Variants in SLC17A3 observed in about 807,000 individuals in gnomAD.
The protein encoded by SLC17A3 is sodium-dependent phosphate transport protein 4.
In SLC17A3, 61 loss-of-function variants were observed where a neutral mutation model predicts 60.3. The observed-to-expected ratio is 1.01, with a 90% CI of 0.82 to 1.25. The LOEUF (loss-of-function observed/expected upper bound fraction) is 1.25, where lower values mean the gene tolerates loss of function less well. Ranked by LOEUF, SLC17A3 falls within the 50% of genes most tolerant of loss-of-function variation. The pLI is 0.00. For synonymous variants in SLC17A3, 192 were observed against 208.9 expected, an observed-to-expected ratio of 0.92 and a Z score of 0.70; for missense variants, 624 against 594.9, an observed-to-expected ratio of 1.05 and a Z score of -0.51.
Position 25,861,677 on chromosome 6 carries a change from T to C in SLC17A3, c.572A>G (p.Glu191Gly). ...SILGGQFAIW[E>G]KWGPPQERSR... Reference sequence around the variant, plus strand: ...TCGTTCTTGTGGAGGGCCCCACTTTTCCCAAATTGCAAACTGACCCCCAAG... The same window carrying C: ...TCGTTCTTGTGGAGGGCCCCACTTTCCCCAAATTGCAAACTGACCCCCAAG... The change falls in exon 5 of 13, where the codon GAA (glutamate) becomes GGA (glycine). Residue 191 changes from glutamate to glycine, a missense_variant. Coordinates refer to ENST00000397060, the MANE Select transcript of SLC17A3 (RefSeq NM_001098486.2). The C allele has an allele frequency of 4.3e-6, 7 of 1,614,056 alleles. No homozygotes were observed. The highest frequency in any genetic ancestry group is 5.9e-6 in the Non-Finnish European group (7 of 1,179,940).
In SLC17A3 at chr6:25,868,353, C is replaced by T; in HGVS notation, c.35G>A (p.Arg12Lys). The stretch of plus-strand genomic sequence containing the variant: ...CATATCTTGTGCGTTCTTGCTCTCC[C>T]TTGCTGTGGGACTCAACTCTGTCTT... ...ATKTELSPTA[R>K]ESKNAQDMQV... The change falls in exon 2 of 13, where the codon AGG (arginine) becomes AAG (lysine). Residue 12 changes from arginine to lysine, a missense_variant. Transcript: ENST00000397060. The T allele has an allele frequency of 1.2e-6, 2 of 1,612,150 alleles. No individual in the cohort carries two copies. Among genetic ancestry groups the T allele is most frequent in the South Asian group, 1.1e-5 (1 of 91,010 alleles).
At chr6:25,864,302 G>T (rs1407952517) in intron 2 of SLC17A3, among the ~76,000 whole-genome samples, 1 of 151,966 alleles carries the variant, frequency 6.6e-6, no homozygotes, top group African/African-American at 2.4e-5. Flanking sequence ...GGGGGCCACT[G>T]GAGGGTTTTC....
chr6:25,847,431 A>C lies in SLC17A3; in HGVS notation c.1363-1915T>G, dbSNP rs527624877. ...ACATTCTTTTGGGTATATACCCAGT[A>C]ATGGAATTGCTGCGTAGAATGGAAG... On this transcript the variant is annotated intron_variant, in intron 11 of 12. Coordinates refer to ENST00000397060, the MANE Select transcript of SLC17A3 (RefSeq NM_001098486.2). 1.1e-4 allele frequency among the ~76,000 whole-genome samples: 16 copies of C among 152,296 alleles called. No individual in the cohort carries two copies. The East Asian group carries it at 3.1e-3, about 29-fold the overall frequency.
chr6:25,850,130 G>A lies in SLC17A3; in HGVS notation c.1041C>T (p.Gly347=), dbSNP rs745812937. ...AATCTGCCAGATAGCCTCCCACCATGCCTATGACCCAGGCAACAATAAAAG... is the reference window on the plus strand; with the variant it reads ...AATCTGCCAGATAGCCTCCCACCATACCTATGACCCAGGCAACAATAAAAG... ...ALPFIVAWVI[G]MVGGYLADFL... The change falls in exon 9 of 13, where the codon GGC becomes GGT. Residue 347 remains glycine (G), a synonymous_variant. Transcript: ENST00000397060. 2 of 1,613,616 alleles carry A rather than the reference G, an allele frequency of 1.2e-6. No individual in the cohort carries two copies. Among genetic ancestry groups the A allele is most frequent in the Non-Finnish European group, 1.7e-6 (2 of 1,179,632 alleles).
chr6:25,858,954 T>G (rs1312013901), intron 5 of SLC17A3, among the ~76,000 whole-genome samples: 1 of 152,234 alleles, frequency 6.6e-6, no homozygotes, highest in African/African-American at 2.4e-5. Context: ...TTGGGCTTCA[T>G]TAAAGTTGTA....
intron 5 of SLC17A3, among the ~76,000 whole-genome samples, chr6:25,858,720 T>C (rs1765400056): frequency 6.6e-6 from 1 of 152,232 alleles, no homozygotes; most frequent in Admixed American, 6.5e-5. Flanking sequence ...TTTTCTCATG[T>C]CGCTACCAAA....
At position 25,855,234 on chromosome 6, in the gene SLC17A3, C is replaced by T; in HGVS notation, c.626-4G>A. 6.2e-7 allele frequency: 1 copy of T among 1,609,160 alleles called. No homozygotes were observed. The highest frequency in any genetic ancestry group is 1.3e-5 in the African/African-American group (1 of 74,936). ...GTAAAGCATCCCAGTAACATTCCTG[C>T]AAAGAGAGAGAAAGTAAGCTGTGGG... On this transcript the variant is annotated splice_polypyrimidine_tract_variant and splice_region_variant and intron_variant, in intron 5 of 12. Transcript: ENST00000397060.
chr6:25,866,222 C>T (rs1040226780), intron 2 of SLC17A3, among the ~76,000 whole-genome samples: 6 of 151,934 alleles, frequency 3.9e-5, no homozygotes, highest in African/African-American at 1.2e-4. Context: ...TTCATGTGGG[C>T]TTGATGAAGT....
intron 1 of SLC17A3, among the ~76,000 whole-genome samples, chr6:25,868,864 A>G (rs770229332): frequency 1.3e-5 from 2 of 151,954 alleles, no homozygotes; most frequent in Non-Finnish European, 2.9e-5. Flanking sequence ...AATACAGTTT[A>G]TTGTCATCAT....
At chr6:25,870,608 G>A (rs780055760) in intron 1 of SLC17A3, among the ~76,000 whole-genome samples, 1 of 151,976 alleles carries the variant, frequency 6.6e-6, no homozygotes, top group South Asian at 2.1e-4. Flanking sequence ...CAGCACATCA[G>A]CCTCTGCATT....
intron 6 of SLC17A3, among the ~76,000 whole-genome samples, chr6:25,853,530 G>C (rs908766824): frequency 7.1e-6 from 1 of 140,690 alleles, no homozygotes; most frequent in Non-Finnish European, 1.5e-5. Flanking sequence ...CCATTCTCCC[G>C]CCTCAGCCTC....
intron 1 of SLC17A3, 42 bp from the exon 2 acceptor site, chr6:25,868,462 A>C: frequency 1.6e-6 from 2 of 1,244,404 alleles, no homozygotes; most frequent in South Asian, 2.4e-5. Context: ...AGTTGAGAGA[A>C]AGAGACTCCC....
chr6:25,849,473 G>A lies in SLC17A3; in HGVS notation c.1272-9C>T, dbSNP rs1765233633. ...TGAGAAAACTGGAATACCTGTGGGT[G>A]ACAGGAATGTTCCGGTCTAGATCCA... On this transcript the variant is annotated splice_polypyrimidine_tract_variant and intron_variant, in intron 10 of 12. Transcript: ENST00000397060. 2 of 1,570,950 alleles carry A rather than the reference G, an allele frequency of 1.3e-6. No homozygotes were observed. Among genetic ancestry groups the A allele is most frequent in the East Asian group, 4.5e-5 (2 of 44,630 alleles).
In SLC17A3 at chr6:25,850,162, C is replaced by A; in HGVS notation, c.1009G>T (p.Ala337Ser). 3 of 1,613,502 alleles carry A rather than the reference C, an allele frequency of 1.9e-6. No individual in the cohort carries two copies. The highest frequency in any genetic ancestry group is 1.7e-6 in the Non-Finnish European group (2 of 1,179,594). ...ACCCAGGCAACAATAAAAGGAAGGG[C>A]AGATAGAAGTCCATTCTAAAGAGAA... ...VNIRDNGLLS[A>S]LPFIVAWVIG... The change falls in exon 9 of 13, where the codon GCC becomes TCC. Residue 337 changes from alanine to serine, a missense_variant. Transcript: ENST00000397060.
Position 25,849,932 on chromosome 6 carries a change from G to A in SLC17A3, c.1144C>T (p.Leu382Phe). Residue 382 changes from leucine (L) to phenylalanine (F), a missense_variant, in exon 10 of 13, where the codon CTC (leucine) becomes TTC (phenylalanine). Leu to Phe is a conservative substitution (Grantham distance 22). Transcript: ENST00000397060. Reference protein sequence around the residue: ...TILGSLPSSALIVSLPYLNSG... With the variant: ...TILGSLPSSAFIVSLPYLNSG... ...TTGAGGTAAGGCAGAGACACAATGA[G>A]TGCTGAAGAGGGGAGACTTCCTAGG... 3 of 1,614,086 alleles carry A rather than the reference G, an allele frequency of 1.9e-6. No homozygotes were observed. The highest frequency in any genetic ancestry group is 2.5e-6 in the Non-Finnish European group (3 of 1,179,892).
At chr6:25,871,443 A>C (rs1765638864) in intron 1 of SLC17A3, among the ~76,000 whole-genome samples, 1 of 149,942 alleles carries the variant, frequency 6.7e-6, no homozygotes, top group South Asian at 2.2e-4. Flanking sequence ...GAACAGTGAG[A>C]ACACATGGAC....
chr6:25,869,861 G>T (rs1285892470), intron 1 of SLC17A3, among the ~76,000 whole-genome samples: 1 of 151,900 alleles, frequency 6.6e-6, no homozygotes, highest in Non-Finnish European at 1.5e-5. Flanking sequence ...GAATTATAAA[G>T]TATGTACTCA....
intron 11 of SLC17A3, among the ~76,000 whole-genome samples, chr6:25,846,113 T>C (rs548203201): frequency 6.6e-4 from 100 of 152,316 alleles, no homozygotes; most frequent in African/African-American, 1.3e-3. Context: ...AAATTTTTAA[T>C]GTATAATTAT....
Position 25,853,406 on chromosome 6 carries a change from GTTTTTTTTTTTTT to G in SLC17A3, c.712+1725_712+1737del, listed in dbSNP as rs70977233. On this transcript the variant is annotated intron_variant, in intron 6 of 12. Coordinates refer to ENST00000397060, the MANE Select transcript of SLC17A3 (RefSeq NM_001098486.2). Reference sequence around the variant, plus strand: ...GGTTTAAATCCATTAATTTCTGCATGTTTTTTTTTTTTTTTTTTTTTTTTTTGGAGACAGAGTC... The same window carrying G: ...GGTTTAAATCCATTAATTTCTGCATGTTTTTTTTTTTTTGGAGACAGAGTC... Among the ~76,000 whole-genome samples the G allele has an allele frequency of 4.3e-4, 25 of 58,728 alleles. No homozygotes were observed. The Admixed American group carries it at 4.6e-3, about 11-fold the overall frequency. 38.5% of individuals were successfully genotyped at this position (58,728 alleles called of 152,430 possible).
Sources: allele counts gnomAD v4.1 joint callset (sites outside exome capture counted in the v4.1 genomes callset), GRCh38; gene constraint gnomAD v4.1.1; transcripts MANE v1.5; gene names NCBI Gene and HGNC (gene_info 2026-07-23, HGNC 2026-07-21).